Variants in DNAH7 observed in about 807,000 individuals in gnomAD.
The protein encoded by DNAH7 is axonemal beta dynein heavy chain 7.
Under a neutral mutation model 444.6 loss-of-function variants are expected in DNAH7, and 397 were observed. That is an observed-to-expected ratio of 0.89 (90% CI 0.82 to 0.97). The LOEUF is 0.97. DNAH7 is among the 50% of genes least tolerant of loss of function. The pLI, the probability that DNAH7 is intolerant of heterozygous loss-of-function variation, is 0.00. For missense variants in DNAH7, 4,902 were observed against 4,800.8 expected, an observed-to-expected ratio of 1.02 and a Z score of -0.62; for synonymous variants, 1,636 against 1,624.4, an observed-to-expected ratio of 1.01 and a Z score of -0.17.
At chr2:196,022,040 T>C (rs1020750810) in intron 8 of DNAH7, among the ~76,000 whole-genome samples, 1 of 151,756 alleles carries the variant, frequency 6.6e-6, no homozygotes, top group African/African-American at 2.4e-5. Flanking sequence ...GGCAGGAGAA[T>C]CGCTTGAAAC....
Position 195,872,427 on chromosome 2 carries a change from G to T in DNAH7, c.6456C>A (p.Ile2152=). The part of the protein sequence containing the change: ...PDEFLDLTTQ[I]VNGTMTLYKE... ...TATACAGAGTCATTGTGCCATTTAC[G>T]ATTTGTGTGGTCAAATCTAGAAATT... is the stretch of plus-strand genomic sequence containing the variant. The change falls in exon 40 of 65, where the codon ATC becomes ATA. Residue 2152 remains isoleucine, a synonymous_variant. Coordinates refer to ENST00000312428, the MANE Select transcript of DNAH7 (RefSeq NM_018897.3). The T allele has an allele frequency of 6.2e-7, 1 of 1,606,694 alleles. No individual in the cohort carries two copies. The highest frequency in any genetic ancestry group is 8.5e-7 in the Non-Finnish European group (1 of 1,176,212).
intron 61 of DNAH7, among the ~76,000 whole-genome samples, chr2:195,762,652 T>C (rs1232090212): frequency 6.6e-6 from 1 of 152,110 alleles, no homozygotes; most frequent in African/African-American, 2.4e-5. Context: ...TATATAATGA[T>C]AAAGTGGTCA....
chr2:195,830,876 T>A (rs1019851087), intron 48 of DNAH7, among the ~76,000 whole-genome samples: 1 of 152,236 alleles, frequency 6.6e-6, no homozygotes, highest in Non-Finnish European at 1.5e-5. Flanking sequence ...GTCTGTCTTA[T>A]TCATGTTGTT....
chr2:195,872,611 T>C (rs1020454723), intron 39 of DNAH7, 142 bp from the exon 40 acceptor site: 1 of 469,656 alleles, frequency 2.1e-6, no homozygotes, highest in African/African-American at 2.0e-5. Context: ...TATCTTATTA[T>C]AATAATAATA....
chr2:195,829,458 A>G (rs1343166398), intron 48 of DNAH7, among the ~76,000 whole-genome samples: 1 of 152,112 alleles, frequency 6.6e-6, no homozygotes, highest in Non-Finnish European at 1.5e-5. Context: ...ATGTTAAACA[A>G]TAACAGTCAT....
chr2:195,738,221 T>G (rs1692769407), intron 64 of DNAH7, 94 bp from the exon 65 acceptor site: 1 of 1,116,956 alleles, frequency 9.0e-7, no homozygotes, highest in East Asian at 2.6e-5. Context: ...AGTAAGGTTA[T>G]GCATGCAGAT....
intron 48 of DNAH7, among the ~76,000 whole-genome samples, chr2:195,826,787 C>T (rs1168257060): frequency 6.6e-6 from 1 of 152,024 alleles, no homozygotes; most frequent in African/African-American, 2.4e-5. Context: ...TACAGGAGAG[C>T]CCAAGATAGT....
rs1693964892 is a variant in DNAH7, at chr2:195,754,376, C to A, written c.11725G>T (p.Val3909Leu). The part of the protein sequence containing the change: ...PIDLLGFDYE[V>L]MEDKEYKHPP... The stretch of plus-strand genomic sequence containing the variant: ...TGCTTGTATTCTTTGTCTTCCATCA[C>A]TTCATAGTCAAACCCAAGAAGATCA... The change falls in exon 63 of 65, where the codon GTG (valine) becomes TTG (leucine). Residue 3909 changes from valine to leucine, a missense_variant. Coordinates refer to ENST00000312428, the MANE Select transcript of DNAH7 (RefSeq NM_018897.3). The A allele has an allele frequency of 6.2e-7, 1 of 1,613,912 alleles. No individual in the cohort carries two copies. The highest frequency in any genetic ancestry group is 8.5e-7 in the Non-Finnish European group (1 of 1,179,966).
chr2:195,957,165 C>G, intron 19 of DNAH7, 96 bp downstream of exon 19: 1 of 1,046,880 alleles, frequency 9.6e-7, no homozygotes, highest in Non-Finnish European at 1.3e-6. Flanking sequence ...CAGATAATGG[C>G]TTATTGGAAA....
chr2:195,892,558 ACTCT>A (rs1470492006), intron 30 of DNAH7: 3 of 151,638 alleles, frequency 2.0e-5, no homozygotes, highest in African/African-American at 7.3e-5. Flanking sequence ...GATTCCAGAT[ACTCT>A]CTCTACTACC....
At chr2:195,786,934 G>A (rs1695650590) in intron 58 of DNAH7, 76 bp downstream of exon 58, 1 of 1,400,272 alleles carries the variant, frequency 7.1e-7, no homozygotes, top group East Asian at 2.4e-5. Context: ...AATCAGAAGT[G>A]CCCACTTACT....
intron 57 of DNAH7, 29 bp downstream of exon 57, chr2:195,794,309 C>G: frequency 2.5e-6 from 4 of 1,611,466 alleles, no homozygotes; most frequent in South Asian, 1.1e-5. Context: ...TTTACAGGGC[C>G]GAGGTAACAA....
In DNAH7 at chr2:195,864,878, C is replaced by G; in HGVS notation, c.6777G>C (p.Met2259Ile). 6.2e-7 allele frequency: 1 copy of G among 1,613,992 alleles called. No homozygotes were observed. Among genetic ancestry groups the G allele is most frequent in the Non-Finnish European group, 8.5e-7 (1 of 1,180,020 alleles). The change falls in exon 41 of 65, where the codon ATG (methionine) becomes ATC (isoleucine). Residue 2259 changes from methionine (M) to isoleucine (I), a missense_variant. By Grantham distance (10) the Met-to-Ile change is conservative. Coordinates refer to ENST00000312428, the MANE Select transcript of DNAH7 (RefSeq NM_018897.3). ...FQRLDFDNDG[M>I]VEADDLRSLM... ...AGCTGCGTAAGTCATCTGCTTCCAC[C>G]ATGCCATCATTATCAAAATCCAAAC...
chr2:195,824,808 T>C (rs1015985902), intron 48 of DNAH7, among the ~76,000 whole-genome samples: 24 of 152,302 alleles, frequency 1.6e-4, no homozygotes, highest in African/African-American at 5.5e-4. Flanking sequence ...GTTATTTAAA[T>C]TGTTACCGTA....
rs1694846797 is a variant in DNAH7, at chr2:195,771,662, T to C, written c.11431A>G (p.Lys3811Glu). Residue 3811 changes from lysine (K) to glutamate (E), a missense_variant and splice_region_variant, in exon 61 of 65, where the codon AAG (lysine) becomes GAG (glutamate). Physicochemically the swap from Lys to Glu is moderately conservative, Grantham distance 56. Transcript: ENST00000312428. ...TTTTTTGGTGTTTTTCACCTTACCTTGATTGCTTTTTGAATATTTACGCAC... is the reference window on the plus strand; with the variant it reads ...TTTTTTGGTGTTTTTCACCTTACCTCGATTGCTTTTTGAATATTTACGCAC... ...DSCVNIQKAIKGLAVMSTDLE... is the reference protein window; with the variant it reads ...DSCVNIQKAIEGLAVMSTDLE... 3 of 1,610,728 alleles carry C rather than the reference T, an allele frequency of 1.9e-6. No individual in the cohort carries two copies. Among genetic ancestry groups the C allele is most frequent in the Non-Finnish European group, 8.5e-7 (1 of 1,176,944 alleles).
chr2:195,820,041 G>C (rs947123214), intron 49 of DNAH7, among the ~76,000 whole-genome samples: 17 of 152,156 alleles, frequency 1.1e-4, no homozygotes, highest in African/African-American at 3.1e-4. Context: ...ACGTTTAGAG[G>C]AATCTATTCT....
Position 195,988,121 on chromosome 2 carries a change from T to C in DNAH7, c.1462A>G (p.Thr488Ala). The C allele has an allele frequency of 6.2e-7, 1 of 1,613,788 alleles. No homozygotes were observed. The highest frequency in any genetic ancestry group is 8.5e-7 in the Non-Finnish European group (1 of 1,179,780). Residue 488 changes from threonine (T) to alanine (A), a missense_variant, in exon 13 of 65, where the codon ACT (threonine) becomes GCT (alanine). Physicochemically the swap from Thr to Ala is moderately conservative, Grantham distance 58 (BLOSUM62 0). Transcript: ENST00000312428. ...EVIMKESVAP[T>A]EHLRLYDKYD... Reference sequence around the variant, plus strand: ...TTGTCATAGAGTCTGAGGTGCTCAGTAGGTGCCACACTCTCTTTCATAATA... The same window carrying C: ...TTGTCATAGAGTCTGAGGTGCTCAGCAGGTGCCACACTCTCTTTCATAATA...
At chr2:195,739,866 C>T (rs1692888829) in intron 64 of DNAH7, among the ~76,000 whole-genome samples, 1 of 152,194 alleles carries the variant, frequency 6.6e-6, no homozygotes, top group Non-Finnish European at 1.5e-5. Context: ...CACCTCATAA[C>T]CGTAAACAAG....
At chr2:195,786,548 T>C (rs945110774) in intron 58 of DNAH7, among the ~76,000 whole-genome samples, 4 of 151,786 alleles carry the variant, frequency 2.6e-5, no homozygotes, top group African/African-American at 9.7e-5. Context: ...TACCCCAGGT[T>C]AACACCAATG....
Sources: allele counts gnomAD v4.1 joint callset (sites outside exome capture counted in the v4.1 genomes callset), GRCh38; gene constraint gnomAD v4.1.1; transcripts MANE v1.5; gene names NCBI Gene and HGNC (gene_info 2026-07-23, HGNC 2026-07-21).